Variants in HLA-DOA observed in about 807,000 individuals in gnomAD.
HLA-DOA encodes the protein major histocompatibility complex, class II, DO alpha, also known as HLA class II histocompatibility antigen, DO alpha chain.
A neutral mutation model predicts 22.9 loss-of-function variants in HLA-DOA; 27 were observed. That is an observed-to-expected ratio of 1.18 (90% CI 0.87 to 1.62). HLA-DOA has a LOEUF of 1.62. HLA-DOA is among the 40% of genes most tolerant of loss of function. The pLI is 0.00. For synonymous variants in HLA-DOA, 137 were observed against 138.6 expected (o/e 0.99, Z 0.08); for missense variants, 324 against 332.4 (o/e 0.97, Z 0.20).
In HLA-DOA at chr6:33,006,171, G is replaced by A. The variant is rs1053004129; in HGVS notation, c.*667C>T. 6.6e-6 allele frequency: 1 copy of A among 152,064 alleles called. No individual in the cohort carries two copies. The highest frequency in any genetic ancestry group is 2.4e-5 in the African/African-American group (1 of 41,222). 9.4% of individuals were successfully genotyped at this position (152,064 alleles called of 1,614,324 possible). On this transcript the variant is annotated 3_prime_UTR_variant, in exon 5 of 5. Coordinates refer to ENST00000229829, the MANE Select transcript of HLA-DOA (RefSeq NM_002119.4). ...TGAGGGAAGTGGCCACCTTATCCAA[G>A]CCTTGGGCCTCTCTTTATCATGCAT... is the stretch of plus-strand genomic sequence containing the variant.
rs540466819 is a variant in HLA-DOA at position 33,008,389 on chromosome 6, T to C, written c.83-128A>G. ...TCTGTGTGGGGACAGAGTCCTGTTC[T>C]GACACTGGGCTGGCCCTGGGAGAGA... On this transcript the variant is annotated intron_variant, in intron 1 of 4. Coordinates refer to ENST00000229829, the MANE Select transcript of HLA-DOA (RefSeq NM_002119.4). The C allele has an allele frequency of 4.7e-6, 7 of 1,485,792 alleles. No homozygotes were observed. The African/African-American group carries it at 9.8e-5, about 21-fold the overall frequency. The allele number at this position is 1,485,792 out of a possible 1,614,324, so 92.0% of individuals were successfully genotyped here.
intron 1 of HLA-DOA, among the ~76,000 whole-genome samples, chr6:33,008,584 C>T (rs1562013887): frequency 1.3e-5 from 2 of 152,128 alleles, no homozygotes; most frequent in Admixed American, 6.5e-5. Flanking sequence ...GCTGTGTTGT[C>T]AGGCCCTGTG....
chr6:33,008,982 G>C (rs86567), intron 1 of HLA-DOA, among the ~76,000 whole-genome samples: 4 of 151,880 alleles, frequency 2.6e-5, no homozygotes, highest in African/African-American at 9.7e-5. Context: ...AGCACAATGG[G>C]GGGCCAGGGA....
chr6:33,007,048 C>A (rs748447751), intron 4 of HLA-DOA, 32 bp downstream of exon 4: 2 of 1,589,754 alleles, frequency 1.3e-6, no homozygotes, highest in East Asian at 2.2e-5. Flanking sequence ...CACTTTCCTC[C>A]CCCACCCCCC....
rs453779 is a variant in HLA-DOA, at chr6:33,007,604, A to G, written c.332-12T>C. 0.56 allele frequency: 895,322 copies of G among 1,604,134 alleles called. 252,839 individuals are homozygous for G. Among genetic ancestry groups the G allele is most frequent in the East Asian group, 0.66 (29,746 of 44,806 alleles). On this transcript the variant is annotated splice_polypyrimidine_tract_variant and intron_variant, in intron 2 of 4. Coordinates refer to ENST00000229829, the MANE Select transcript of HLA-DOA (RefSeq NM_002119.4). Reference sequence around the variant, plus strand: ...CACCCGTGGAGGCACTAGGAGGAACAGGCCCTGAGTCCACAGGCTCATCCC... The same window carrying G: ...CACCCGTGGAGGCACTAGGAGGAACGGGCCCTGAGTCCACAGGCTCATCCC...
In HLA-DOA at chr6:33,009,566, T is replaced by A; in HGVS notation, c.-30A>T. On this transcript the variant is annotated 5_prime_UTR_variant, in exon 1 of 5. Transcript: ENST00000229829. The surrounding 1 kb of genome is among the most constrained non-coding windows in gnomAD (Gnocchi z 4.8). ...CTCTGGTGCTTTAATCAAATCAGTC[T>A]CAGTCCGTGTGGTGAGGACAGGAAC... 2 of 1,534,428 alleles carry A rather than the reference T, an allele frequency of 1.3e-6. No homozygotes were observed. The highest frequency in any genetic ancestry group is 1.8e-6 in the Non-Finnish European group (2 of 1,131,826).
Position 33,007,772 on chromosome 6 carries a change from G to A in HLA-DOA, c.332-180C>T, listed in dbSNP as rs576829510. On this transcript the variant is annotated intron_variant, in intron 2 of 4. Coordinates refer to ENST00000229829, the MANE Select transcript of HLA-DOA (RefSeq NM_002119.4). ...AGGAGACTGGGGAGGGAGTGGGGAC[G>A]CCAGGAGCTCCTATATTTGACTGGT... The A allele has an allele frequency of 1.9e-5, 16 of 832,230 alleles. No individual in the cohort carries two copies. The Admixed American group carries it at 3.2e-4, about 17-fold the overall frequency. 51.6% of individuals were successfully genotyped at this position (832,230 alleles called of 1,614,324 possible). A position where few individuals can be genotyped will look rare whatever the true frequency, so the allele number is the denominator to read the frequency against.
chr6:33,007,159 C>G lies in HLA-DOA; in HGVS notation c.670G>C (p.Gly224Arg). The G allele has an allele frequency of 6.2e-7, 1 of 1,613,902 alleles. No individual in the cohort carries two copies. Among genetic ancestry groups the G allele is most frequent in the Non-Finnish European group, 8.5e-7 (1 of 1,180,030 alleles). Residue 224 changes from glycine to arginine, a missense_variant, in exon 4 of 5, where the codon GGC becomes CGC. Physicochemically the swap from Gly to Arg is moderately radical, Grantham distance 125. Coordinates refer to ENST00000229829, the MANE Select transcript of HLA-DOA (RefSeq NM_002119.4). ...DAMETLVCALGLAIGLVGFLV... is the reference protein window; with the variant it reads ...DAMETLVCALRLAIGLVGFLV... Reference sequence around the variant, plus strand: ...AAGCCCACCAGGCCGATGGCCAGGCCCAGGGCACAGACCAGGGTCTCCATG... The same window carrying G: ...AAGCCCACCAGGCCGATGGCCAGGCGCAGGGCACAGACCAGGGTCTCCATG...
rs1159826939 is a variant in HLA-DOA, at chr6:33,008,978, A to G, written c.82+477T>C. ...GAGGAACTAGCATGCACCCAGCACA[A>G]TGGGGGGCCAGGGAAATAAAAGAAA... On this transcript the variant is annotated intron_variant, in intron 1 of 4. Coordinates refer to ENST00000229829, the MANE Select transcript of HLA-DOA (RefSeq NM_002119.4). Among the ~76,000 whole-genome samples, 4 of 152,182 alleles carry G rather than the reference A, an allele frequency of 2.6e-5. No individual in the cohort carries two copies. The East Asian group carries it at 7.7e-4, about 29-fold the overall frequency.
Position 33,009,520 on chromosome 6 carries a change from C to A in HLA-DOA, c.17G>T (p.Gly6Val). Residue 6 changes from glycine (G) to valine (V), a missense_variant, in exon 1 of 5, where the codon GGG (glycine) becomes GTG (valine). Gly to Val is a moderately radical substitution (Grantham distance 109). Transcript: ENST00000229829. This position sits in a 1 kb window ranked among gnomAD's most constrained non-coding sequence, Gnocchi z 4.8. Reference sequence around the variant, plus strand: ...CAGGGTGTGGAACCCCAGGACCAGCCCTGCTCTGAGGGCCATTACACTCTG... The same window carrying A: ...CAGGGTGTGGAACCCCAGGACCAGCACTGCTCTGAGGGCCATTACACTCTG... MALRA[G>V]LVLGFHTLMT... The A allele has an allele frequency of 6.2e-7, 1 of 1,605,398 alleles. No individual in the cohort carries two copies. Among genetic ancestry groups the A allele is most frequent in the Admixed American group, 1.7e-5 (1 of 59,432 alleles).
chr6:33,005,348 T>A lies in HLA-DOA; in HGVS notation c.*1490A>T, dbSNP rs1217479924. 6.6e-6 allele frequency: 1 copy of A among 152,086 alleles called. No individual in the cohort carries two copies. The highest frequency in any genetic ancestry group is 1.5e-5 in the Non-Finnish European group (1 of 68,076). 9.4% of individuals were successfully genotyped at this position (152,086 alleles called of 1,614,324 possible). On this transcript the variant is annotated 3_prime_UTR_variant, in exon 5 of 5. Coordinates refer to ENST00000229829, the MANE Select transcript of HLA-DOA (RefSeq NM_002119.4). ...CTCTACTTAAAATACAAAAATTAGC[T>A]GAGTGTAGTGGCGCACACCTGTAGT... is the stretch of plus-strand genomic sequence containing the variant.
Position 33,009,572 on chromosome 6 carries a change from C to G in HLA-DOA, c.-36G>C. On this transcript the variant is annotated 5_prime_UTR_variant, in exon 1 of 5. Transcript: ENST00000229829. This position sits in a 1 kb window ranked among gnomAD's most constrained non-coding sequence, Gnocchi z 4.8. ...TGCTTTAATCAAATCAGTCTCAGTC[C>G]GTGTGGTGAGGACAGGAACAAGGCG... 2.7e-6 allele frequency: 4 copies of G among 1,507,470 alleles called. No homozygotes were observed. Among genetic ancestry groups the G allele is most frequent in the South Asian group, 1.2e-5 (1 of 81,852 alleles). 93.4% of individuals were successfully genotyped at this position (1,507,470 alleles called of 1,614,324 possible).
Position 33,006,596 on chromosome 6 carries a change from GA to G in HLA-DOA, c.*241del. The G allele has an allele frequency of 1.6e-6, 1 of 629,244 alleles. No homozygotes were observed. Among genetic ancestry groups the G allele is most frequent in the Non-Finnish European group, 2.8e-6 (1 of 352,956 alleles). The allele number at this position is 629,244 out of a possible 1,614,324, so 39.0% of individuals were successfully genotyped here. A position where few individuals can be genotyped will look rare whatever the true frequency, so the allele number is the denominator to read the frequency against. On this transcript the variant is annotated 3_prime_UTR_variant, in exon 5 of 5. Coordinates refer to ENST00000229829, the MANE Select transcript of HLA-DOA (RefSeq NM_002119.4). Reference sequence around the variant, plus strand: ...CCAAAGCATTTAGTGCTGCCAGCCAGAGCTTTGGGTAGAGCAAGAATGTGTG... The same window carrying G: ...CCAAAGCATTTAGTGCTGCCAGCCAGGCTTTGGGTAGAGCAAGAATGTGTG...
rs534860530 is a variant in HLA-DOA at position 33,008,168 on chromosome 6, G to A, written c.176C>T (p.Ser59Phe). 73 of 1,613,060 alleles carry A rather than the reference G, an allele frequency of 4.5e-5. No individual in the cohort carries two copies. In the South Asian group the frequency reaches 7.2e-4, roughly 16 times the overall value. Residue 59 changes from serine (S) to phenylalanine (F), a missense_variant, in exon 2 of 5, where the codon TCT becomes TTT. Ser to Phe is a radical substitution (Grantham distance 155). Coordinates refer to ENST00000229829, the MANE Select transcript of HLA-DOA (RefSeq NM_002119.4). ...THEFDEEQLF[S>F]VDLKKSEAVW... ...GGCCTCGCTTTTCTTCAGGTCCACA[G>A]AGAACAGCTGTTCCTCATCAAATTC...
Position 33,004,273 on chromosome 6 carries a change from C to T in HLA-DOA, c.*2565G>A, listed in dbSNP as rs2127547527. 6.6e-6 allele frequency: 1 copy of T among 152,340 alleles called. No homozygotes were observed. The highest frequency in any genetic ancestry group is 1.9e-4 in the East Asian group (1 of 5,192). The allele number at this position is 152,340 out of a possible 1,614,324, so 9.4% of individuals were successfully genotyped here. On this transcript the variant is annotated 3_prime_UTR_variant, in exon 5 of 5. Coordinates refer to ENST00000229829, the MANE Select transcript of HLA-DOA (RefSeq NM_002119.4). ...TTCCAATGATGCATCAAGTTAACGTCTAAGCAAAAGATCAGCAGAGATCAG... is the reference window on the plus strand; with the variant it reads ...TTCCAATGATGCATCAAGTTAACGTTTAAGCAAAAGATCAGCAGAGATCAG...
chr6:33,008,448 T>C, intron 1 of HLA-DOA, 187 bp from the exon 2 acceptor site: 2 of 1,407,216 alleles, frequency 1.4e-6, no homozygotes, highest in Non-Finnish European at 1.8e-6. Flanking sequence ...AAGAGGCTCA[T>C]CCCAGCACAC....
chr6:33,007,302 G>A lies in HLA-DOA; in HGVS notation c.613+9C>T. ...GGCCAGGAGGGTGCATGGGGAGGGG[G>A]CTCCGTACCCCAATGCCTGAGGAGT... On this transcript the variant is annotated intron_variant, in intron 3 of 4. Transcript: ENST00000229829. 2 of 1,613,060 alleles carry A rather than the reference G, an allele frequency of 1.2e-6. No individual in the cohort carries two copies. Among genetic ancestry groups the A allele is most frequent in the Non-Finnish European group, 1.7e-6 (2 of 1,179,982 alleles).
In HLA-DOA at chr6:33,005,491, A is replaced by C. The variant is rs970981871; in HGVS notation, c.*1347T>G. The C allele has an allele frequency of 1.3e-5, 2 of 152,408 alleles. No homozygotes were observed. The highest frequency in any genetic ancestry group is 1.3e-4 in the Admixed American group (2 of 15,280). 9.4% of individuals were successfully genotyped at this position (152,408 alleles called of 1,614,324 possible). A position where few individuals can be genotyped will look rare whatever the true frequency, so the allele number is the denominator to read the frequency against. Reference sequence around the variant, plus strand: ...TGGTGACAGAGTGAGACCCCATCTCAGAAAAGACAGCCTCCCTGTTGCTGC... The same window carrying C: ...TGGTGACAGAGTGAGACCCCATCTCCGAAAAGACAGCCTCCCTGTTGCTGC... On this transcript the variant is annotated 3_prime_UTR_variant, in exon 5 of 5. Coordinates refer to ENST00000229829, the MANE Select transcript of HLA-DOA (RefSeq NM_002119.4).
chr6:33,007,137 C>T lies in HLA-DOA; in HGVS notation c.692G>A (p.Gly231Asp). Residue 231 changes from glycine (G) to aspartate (D), a missense_variant, in exon 4 of 5, where the codon GGC (glycine) becomes GAC (aspartate). By Grantham distance (94) the Gly-to-Asp change is moderately conservative. Coordinates refer to ENST00000229829, the MANE Select transcript of HLA-DOA (RefSeq NM_002119.4). ...GATGAGGACGGTGCCCACGAGGAAG[C>T]CCACCAGGCCGATGGCCAGGCCCAG... ...CALGLAIGLV[G>D]FLVGTVLIIM... The T allele has an allele frequency of 6.2e-7, 1 of 1,613,892 alleles. No individual in the cohort carries two copies. The highest frequency in any genetic ancestry group is 8.5e-7 in the Non-Finnish European group (1 of 1,180,022).
Sources: allele counts gnomAD v4.1 joint callset (sites outside exome capture counted in the v4.1 genomes callset), GRCh38; gene constraint gnomAD v4.1.1; non-coding constraint Gnocchi (gnomAD v3.1); transcripts MANE v1.5; gene names NCBI Gene and HGNC (gene_info 2026-07-23, HGNC 2026-07-21).